DAB2IP: variants seen among roughly 807,000 people sequenced by gnomAD.
The protein encoded by DAB2IP is disabled homolog 2-interacting protein.
A neutral mutation model predicts 107.2 loss-of-function variants in DAB2IP; 28 were observed. That is an observed-to-expected ratio of 0.26 (90% CI 0.19 to 0.36). The LOEUF (loss-of-function observed/expected upper bound fraction) is 0.36. Among genes scored for constraint, DAB2IP ranks in the 10% least tolerant of loss-of-function variants. The probability of loss-of-function intolerance (pLI) is 1.00; values close to 1 mark genes in which losing one functional copy is unlikely to be tolerated. For synonymous variants in DAB2IP, 755 were observed against 706.4 expected (o/e 1.07, Z -1.09); for missense variants, 1,400 against 1,644.7 (o/e 0.85, Z 2.57).
chr9:121,778,425 G>C (rs184279699), intron 14 of DAB2IP, among the ~76,000 whole-genome samples: 1 of 152,102 alleles, frequency 6.6e-6, no homozygotes, highest in Admixed American at 6.5e-5. Context: ...TCTTGCTTTC[G>C]TCTAAATGGT....
chr9:121,753,799 A>G (rs1256542001), intron 3 of DAB2IP, among the ~76,000 whole-genome samples: 1 of 152,234 alleles, frequency 6.6e-6, no homozygotes, highest in Non-Finnish European at 1.5e-5. Flanking sequence ...GGTAGAGACC[A>G]GTGCCTGCTT....
At chr9:121,743,059 C>G (rs1472309453) in intron 3 of DAB2IP, 9 of 939,398 alleles carry the variant, frequency 9.6e-6, no homozygotes, top group South Asian at 4.9e-5. Context: ...GAGGAATACT[C>G]TGGCTGGGAT....
At chr9:121,636,454 A>C (rs1161371054) in intron 1 of DAB2IP, among the ~76,000 whole-genome samples, 1 of 152,236 alleles carries the variant, frequency 6.6e-6, no homozygotes, top group Non-Finnish European at 1.5e-5. Flanking sequence ...GGAGGGAAGC[A>C]GACCTGGTGG....
chr9:121,763,913 G>A (rs190350865), intron 8 of DAB2IP, 34 bp downstream of exon 8: 130 of 1,607,380 alleles, frequency 8.1e-5, no homozygotes, highest in Non-Finnish European at 1.1e-4. Flanking sequence ...CCACCCTGTC[G>A]CCTTCCCCAT....
intron 3 of DAB2IP, among the ~76,000 whole-genome samples, chr9:121,706,257 A>G (rs1382174891): frequency 6.6e-6 from 1 of 152,068 alleles, no homozygotes; most frequent in African/African-American, 2.4e-5. Flanking sequence ...GGCTGCACCA[A>G]CCTCAGAGCA....
At chr9:121,612,422 A>G (rs1454105193) in intron 1 of DAB2IP, among the ~76,000 whole-genome samples, 2 of 152,174 alleles carry the variant, frequency 1.3e-5, no homozygotes. Context: ...ATGGGTTTTT[A>G]AGGGAGCTGC....
rs953899352 is a variant in DAB2IP at position 121,699,423 on chromosome 9, C to G, written c.327C>G (p.Phe109Leu). The G allele has an allele frequency of 2.7e-6, 4 of 1,462,926 alleles. No homozygotes were observed. Among genetic ancestry groups the G allele is most frequent in the Non-Finnish European group, 3.6e-6 (4 of 1,097,116 alleles). The allele number at this position is 1,462,926 out of a possible 1,614,324, so 90.6% of individuals were successfully genotyped here. A position where few individuals can be genotyped will look rare whatever the true frequency, so the allele number is the denominator to read the frequency against. The change falls in exon 3 of 16, where the codon TTC becomes TTG. Residue 109 changes from phenylalanine to leucine, a missense_variant. Phe to Leu is a conservative substitution (Grantham distance 22). Transcript: ENST00000408936. This position sits in a 1 kb window ranked among gnomAD's most constrained non-coding sequence, Gnocchi z 6.2. The stretch of plus-strand genomic sequence containing the variant: ...GCTTCCGCCACATCCTGCCGGGGTT[C>G]CGGAGCGCCGCCGCCGCCGCCGCGG...
rs1223279691 is a variant in DAB2IP, at chr9:121,772,870, TGGTGGCCG to T, written c.2352_2359del (p.Trp785ProfsTer65). On this transcript the variant is annotated frameshift_variant, in exon 12 of 16. Coordinates refer to ENST00000408936, the Ensembl canonical transcript of DAB2IP. LOFTEE classifies it high-confidence loss of function. The surrounding 1 kb of genome is among the most constrained non-coding windows in gnomAD (Gnocchi z 4.7). Reference sequence around the variant, plus strand: ...GATGGGCAGGCCGCTGCAGCTCAGCTGGTGGCCGGGTGGCCGGCCCGGGCAACCCCAGT... The same window carrying T: ...GATGGGCAGGCCGCTGCAGCTCAGCTGGTGGCCGGCCCGGGCAACCCCAGT... 6.3e-7 allele frequency: 1 copy of T among 1,588,084 alleles called. No individual in the cohort carries two copies. Among genetic ancestry groups the T allele is most frequent in the Non-Finnish European group, 8.6e-7 (1 of 1,169,520 alleles).
chr9:121,604,502 C>T (rs1352032550), intron 1 of DAB2IP, among the ~76,000 whole-genome samples: 1 of 152,222 alleles, frequency 6.6e-6, no homozygotes, highest in South Asian at 2.1e-4. Context: ...TGTCTGGCTC[C>T]AGTTTTCCTC....
chr9:121,718,443 C>T (rs1395048397), intron 3 of DAB2IP, among the ~76,000 whole-genome samples: 1 of 152,168 alleles, frequency 6.6e-6, no homozygotes, highest in East Asian at 1.9e-4. Context: ...GCAGGGACAA[C>T]AAAACCCGAC....
chr9:121,590,980 G>C (rs1830413084), intron 1 of DAB2IP, among the ~76,000 whole-genome samples: 1 of 152,234 alleles, frequency 6.6e-6, no homozygotes, highest in Non-Finnish European at 1.5e-5. Context: ...TGGGAGGCCA[G>C]GGAAGCCTTC....
At chr9:121,689,098 G>A (rs1260271325) in intron 2 of DAB2IP, among the ~76,000 whole-genome samples, 2 of 152,128 alleles carry the variant, frequency 1.3e-5, no homozygotes, top group Non-Finnish European at 2.9e-5. Flanking sequence ...TTCTAGACCA[G>A]CATGGTCAAC....
intron 1 of DAB2IP, among the ~76,000 whole-genome samples, chr9:121,567,701 G>A (rs961025861): frequency 6.6e-6 from 1 of 152,182 alleles, no homozygotes; most frequent in Non-Finnish European, 1.5e-5. Flanking sequence ...CAGGGCCCCA[G>A]TGGCTGCCAC....
At chr9:121,647,083 C>T (rs1363682705), upstream of DAB2IP, among the ~76,000 whole-genome samples, 1 of 152,184 alleles carries the variant, frequency 6.6e-6, no homozygotes, top group East Asian at 1.9e-4. Context: ...ACTCCACCCT[C>T]AAACAAACCT....
chr9:121,677,815 C>A (rs542963966), intron 1 of DAB2IP, among the ~76,000 whole-genome samples: 1 of 152,190 alleles, frequency 6.6e-6, no homozygotes, highest in South Asian at 2.1e-4. Context: ...GCACACAACA[C>A]CACACCTGGC....
intron 3 of DAB2IP, chr9:121,752,114 G>A: frequency 1.2e-6 from 1 of 820,070 alleles, no homozygotes; most frequent in Non-Finnish European, 1.5e-6. Context: ...ACCTTGAGAG[G>A]GATGGGGGAA....
At chr9:121,585,844 A>G (rs377691482) in intron 1 of DAB2IP, among the ~76,000 whole-genome samples, 2 of 63,930 alleles carry the variant, frequency 3.1e-5, no homozygotes, top group Admixed American at 3.3e-4. Flanking sequence ...AGGGTTAGGG[A>G]TTTAAAAAAA....
intron 1 of DAB2IP, among the ~76,000 whole-genome samples, chr9:121,643,921 G>A (rs1159321132): frequency 2.0e-5 from 3 of 152,216 alleles, no homozygotes; most frequent in Non-Finnish European, 4.4e-5. Flanking sequence ...TAATCCCAGT[G>A]CTTTGGGACA....
At chr9:121,676,688 G>A (rs1163752024) in intron 1 of DAB2IP, among the ~76,000 whole-genome samples, 5 of 140,194 alleles carry the variant, frequency 3.6e-5, no homozygotes, top group East Asian at 2.0e-4. Flanking sequence ...AAATGAGAGC[G>A]TTGATAGGAG....
Sources: gnomAD v4.1 joint callset for allele counts (sites outside exome capture counted in the v4.1 genomes callset) on GRCh38, gnomAD v4.1.1 for gene constraint, Gnocchi (gnomAD v3.1) non-coding constraint, MANE v1.5 for transcripts, NCBI Gene and HGNC (gene_info 2026-07-23, HGNC 2026-07-21) for gene names.